Variants in METTL15 observed in about 807,000 individuals in gnomAD.
METTL15 encodes methyltransferase 15, mitochondrial 12S rRNA N4-cytidine, also known as 12S rRNA N(4)-cytidine methyltransferase METTL15.
METTL15 carries 34 observed loss-of-function variants against 38.3 expected under a neutral mutation model. That is an observed-to-expected ratio of 0.89 (90% CI 0.68 to 1.18). The LOEUF is 1.18. Among genes scored for constraint, METTL15 ranks in the 50% most tolerant of loss-of-function variants. The probability of loss-of-function intolerance (pLI) is 0.00; values close to 1 mark genes in which losing one functional copy is unlikely to be tolerated. For synonymous variants in METTL15, 162 were observed against 170.9 expected (o/e 0.95, Z 0.41); for missense variants, 438 against 498.4 (o/e 0.88, Z 1.15).
chr11:28,270,020 G>T (rs910461277), intron 4 of METTL15, among the ~76,000 whole-genome samples: 4 of 152,196 alleles, frequency 2.6e-5, no homozygotes, highest in Non-Finnish European at 5.9e-5. Flanking sequence ...CAGTTTAGGA[G>T]ATGCCTGTGT....
Position 28,331,456 on chromosome 11 carries a change from G to A in METTL15, c.*615G>A, listed in dbSNP as rs542636008. ...ATATGGGCCATTTTGTTCATCTATC[G>A]CAAAGTAAAAATGTAAAATCCTTAC... is the stretch of plus-strand genomic sequence containing the variant. On this transcript the variant is annotated 3_prime_UTR_variant, in exon 7 of 7. Coordinates refer to ENST00000407364, the MANE Select transcript of METTL15 (RefSeq NM_001113528.2). 4 of 151,926 alleles carry A rather than the reference G, an allele frequency of 2.6e-5. No homozygotes were observed. Among genetic ancestry groups the A allele is most frequent in the Admixed American group, 1.3e-4 (2 of 15,228 alleles). 9.4% of individuals were successfully genotyped at this position (151,926 alleles called of 1,614,324 possible). A position where few individuals can be genotyped will look rare whatever the true frequency, so the allele number is the denominator to read the frequency against.
intron 6 of METTL15, among the ~76,000 whole-genome samples, chr11:28,465,398 T>C (rs537529278): frequency 6.6e-6 from 1 of 152,280 alleles, no homozygotes; most frequent in Non-Finnish European, 1.5e-5. Flanking sequence ...CCTTTATTTC[T>C]TCAATTGACT....
chr11:28,211,117 A>G lies in METTL15; in HGVS notation c.326A>G (p.Lys109Arg). ...SGGHTKAILQKESDIVLYALD... is the reference protein window; with the variant it reads ...SGGHTKAILQRESDIVLYALD... ...GGGCACACAAAAGCCATTCTGCAGA[A>G]GGAGTCAGATATTGTTCTCTATGCC... Residue 109 changes from lysine to arginine, a missense_variant, in exon 4 of 7, where the codon AAG becomes AGG. By Grantham distance (26) the Lys-to-Arg change is conservative. Transcript: ENST00000407364. 1.2e-6 allele frequency: 2 copies of G among 1,612,742 alleles called. No individual in the cohort carries two copies. Among genetic ancestry groups the G allele is most frequent in the South Asian group, 2.2e-5 (2 of 90,956 alleles).
intron 6 of METTL15, among the ~76,000 whole-genome samples, chr11:28,457,088 G>A (rs1851175470): frequency 6.6e-6 from 1 of 152,170 alleles, no homozygotes; most frequent in African/African-American, 2.4e-5. Context: ...TGGAACACTA[G>A]ATAATGTTAC....
intron 6 of METTL15, among the ~76,000 whole-genome samples, chr11:28,431,790 TAAA>T (rs869087503): frequency 1.4e-5 from 1 of 71,496 alleles, no homozygotes; most frequent in Admixed American, 1.6e-4. Context: ...AAAATAAATT[TAAA>T]AAAAAAAAAA....
intron 4 of METTL15, among the ~76,000 whole-genome samples, chr11:28,243,899 G>A (rs1280233328): frequency 2.0e-5 from 3 of 152,160 alleles, no homozygotes; most frequent in Admixed American, 6.5e-5. Context: ...CAACCATTTT[G>A]TTATATTAGT....
chr11:28,515,693 A>G (rs1293025694), intron 6 of METTL15, among the ~76,000 whole-genome samples: 1 of 152,250 alleles, frequency 6.6e-6, no homozygotes, highest in African/African-American at 2.4e-5. Flanking sequence ...TTACCTAGAA[A>G]AAGTTTGTCA....
intron 6 of METTL15, among the ~76,000 whole-genome samples, chr11:28,323,690 AAG>A (rs1471194842): frequency 6.6e-6 from 1 of 152,188 alleles, no homozygotes; most frequent in Non-Finnish European, 1.5e-5. Flanking sequence ...TGGCTTGGAC[AAG>A]AGTCATAGTG....
intron 5 of METTL15, among the ~76,000 whole-genome samples, chr11:28,405,820 A>G (rs1279750892): frequency 6.6e-6 from 1 of 152,124 alleles, no homozygotes; most frequent in African/African-American, 2.4e-5. Context: ...CCACTATTTT[A>G]TGAAGGATTA....
At chr11:28,189,813 A>G (rs1851636149) in intron 3 of METTL15, among the ~76,000 whole-genome samples, 1 of 151,230 alleles carries the variant, frequency 6.6e-6, no homozygotes, top group Admixed American at 6.6e-5. Flanking sequence ...TTCAGATAAC[A>G]TTGTAATCGA....
chr11:28,400,019 C>G (rs1012493599), intron 5 of METTL15, among the ~76,000 whole-genome samples: 1 of 151,868 alleles, frequency 6.6e-6, no homozygotes, highest in African/African-American at 2.4e-5. Context: ...GAAATTCTTG[C>G]AATTAGCTGG....
chr11:28,463,534 A>G (rs1851232706), intron 6 of METTL15, among the ~76,000 whole-genome samples: 1 of 152,184 alleles, frequency 6.6e-6, no homozygotes, highest in Non-Finnish European at 1.5e-5. Context: ...CTTATATTAA[A>G]GAAGGAAAAA....
rs576082240 is a variant in METTL15 at position 28,222,826 on chromosome 11, T to C, written c.407+11628T>C. ...AGCAAATTTGAAAAATAAATGTTAG[T>C]AATATAGAAGATAGGAAAAAGATTG... On this transcript the variant is annotated intron_variant, in intron 4 of 6. Transcript: ENST00000407364. 3.3e-5 allele frequency among the ~76,000 whole-genome samples: 5 copies of C among 152,292 alleles called. No homozygotes were observed. In the South Asian group the frequency reaches 1.0e-3, roughly 32 times the overall value.
At chr11:28,449,274 T>G (rs1457539979) in intron 6 of METTL15, among the ~76,000 whole-genome samples, 3 of 152,186 alleles carry the variant, frequency 2.0e-5, no homozygotes, top group Admixed American at 1.3e-4. Flanking sequence ...TAATGATATT[T>G]TGGGCTGTTT....
chr11:28,406,556 T>C (rs1012334993), intron 5 of METTL15, among the ~76,000 whole-genome samples: 1 of 152,142 alleles, frequency 6.6e-6, no homozygotes, highest in African/African-American at 2.4e-5. Context: ...GAACTTAAAG[T>C]ATAATAATAA....
chr11:28,524,893 C>T (rs547551666), intron 6 of METTL15, among the ~76,000 whole-genome samples: 30 of 152,168 alleles, frequency 2.0e-4, no homozygotes, highest in South Asian at 1.2e-3. Context: ...TTCTTAAAGG[C>T]GGTGTGTCCG....
intron 3 of METTL15, among the ~76,000 whole-genome samples, chr11:28,200,338 A>G (rs1331063427): frequency 6.6e-6 from 1 of 152,182 alleles, no homozygotes; most frequent in Non-Finnish European, 1.5e-5. Flanking sequence ...TACAGCTTTG[A>G]GAATTACTTA....
intron 3 of METTL15, among the ~76,000 whole-genome samples, chr11:28,209,179 G>A (rs1328147219): frequency 6.6e-6 from 1 of 151,844 alleles, no homozygotes; most frequent in East Asian, 1.9e-4. Context: ...AATATTGATT[G>A]GGACTTTCTT....
intron 3 of METTL15, among the ~76,000 whole-genome samples, chr11:28,190,182 T>C (rs1481785649): frequency 1.3e-5 from 2 of 151,300 alleles, no homozygotes; most frequent in Non-Finnish European, 3.0e-5. Context: ...TCTTAATAGT[T>C]CTTCTCTTGC....
Sources: allele counts gnomAD v4.1 joint callset (sites outside exome capture counted in the v4.1 genomes callset), GRCh38; gene constraint gnomAD v4.1.1; transcripts MANE v1.5; gene names NCBI Gene and HGNC (gene_info 2026-07-23, HGNC 2026-07-21).